UBXN6: variants seen among roughly 807,000 people sequenced by gnomAD.
UBXN6 encodes the protein UBX domain protein 6.
Under a neutral mutation model 51.4 loss-of-function variants are expected in UBXN6, and 44 were observed. The observed-to-expected ratio is 0.86, with a 90% confidence interval of 0.67 to 1.10. The LOEUF (loss-of-function observed/expected upper bound fraction) is 1.10. UBXN6 is among the 50% of genes least tolerant of loss of function. The pLI is 0.00. For synonymous variants in UBXN6, 316 were observed against 263.2 expected (o/e 1.20, Z -1.94); for missense variants, 672 against 596.1 (o/e 1.13, Z -1.32).
intron 7 of UBXN6, 52 bp from the exon 8 acceptor site, chr19:4,446,771 C>T: frequency 6.2e-7 from 1 of 1,612,240 alleles, no homozygotes; most frequent in Non-Finnish European, 8.5e-7. Context: ...GACCCCCAAG[C>T]CGGGCCCTCC....
In UBXN6 at chr19:4,454,071, GC is replaced by G. The variant is rs763240896; in HGVS notation, c.105del (p.Lys35AsnfsTer26). ...ESVGEKAHKE[K>X]PNQPAPRPPR... Reference sequence around the variant, plus strand: ...GGCGGCCTGGGGGCTGGCTGGTTGGGCTTCTCTTTGTGGGCCTTTTCCCTGG... The same window carrying G: ...GGCGGCCTGGGGGCTGGCTGGTTGGGTTCTCTTTGTGGGCCTTTTCCCTGG... On this transcript the variant is annotated frameshift_variant, in exon 2 of 11. Coordinates refer to ENST00000301281, the MANE Select transcript of UBXN6 (RefSeq NM_025241.3). LOFTEE classifies it high-confidence loss of function. 6.4e-7 allele frequency: 1 copy of G among 1,568,290 alleles called. No individual in the cohort carries two copies. Among genetic ancestry groups the G allele is most frequent in the Admixed American group, 1.9e-5 (1 of 52,752 alleles).
At chr19:4,449,594 A>G (rs990712452) in intron 4 of UBXN6, 1 of 152,310 alleles carries the variant, frequency 6.6e-6, no homozygotes, top group African/African-American at 2.4e-5. Context: ...ACACCAGCCA[A>G]GGGAAGCGTG....
Position 4,446,506 on chromosome 19 carries a change from C to T in UBXN6, c.914G>A (p.Arg305Lys). ...CCGCGGACGTCAGGCCCACCTGAGC[C>T]TCTGCTCCCGCTTGATCTCCTCTGC... Reference protein sequence around the residue: ...LTAEEIKREQRLRSEAVERLS... With the variant: ...LTAEEIKREQKLRSEAVERLS... The change falls in exon 8 of 11, where the codon AGG becomes AAG. Residue 305 changes from arginine (R) to lysine (K), a missense_variant. Physicochemically the swap from Arg to Lys is conservative, Grantham distance 26 (BLOSUM62 2). Transcript: ENST00000301281. 2 of 1,608,204 alleles carry T rather than the reference C, an allele frequency of 1.2e-6. No individual in the cohort carries two copies. Among genetic ancestry groups the T allele is most frequent in the East Asian group, 4.5e-5 (2 of 44,796 alleles).
chr19:4,447,577 C>A lies in UBXN6; in HGVS notation c.588G>T (p.Lys196Asn). Reference protein sequence around the residue: ...HLHPEEEKYRKIKLQNKVFQE... With the variant: ...HLHPEEEKYRNIKLQNKVFQE... ...GAAACACCTTGTTCTGCAGCTTGATCTTCCGGTACTTCTCCTCCTCGGGGT... is the reference window on the plus strand; with the variant it reads ...GAAACACCTTGTTCTGCAGCTTGATATTCCGGTACTTCTCCTCCTCGGGGT... Residue 196 changes from lysine (K) to asparagine (N), a missense_variant, in exon 6 of 11, where the codon AAG becomes AAT. Transcript: ENST00000301281. 6 of 1,613,868 alleles carry A rather than the reference C, an allele frequency of 3.7e-6. No individual in the cohort carries two copies. Among genetic ancestry groups the A allele is most frequent in the Non-Finnish European group, 5.1e-6 (6 of 1,179,880 alleles).
At chr19:4,448,286 G>T (rs766246007) in intron 5 of UBXN6, 32 bp downstream of exon 5, 1 of 1,561,880 alleles carries the variant, frequency 6.4e-7, no homozygotes, top group African/African-American at 1.4e-5. Flanking sequence ...GAGCTGGAGG[G>T]GCCAGGCAGG....
intron 10 of UBXN6, 176 bp downstream of exon 10, chr19:4,445,873 T>C (rs569214812): frequency 4.4e-6 from 5 of 1,141,690 alleles, no homozygotes; most frequent in East Asian, 2.6e-5. Context: ...GGAGTAGTTA[T>C]GAACTTGCTC....
At chr19:4,452,907 C>A (rs971953733) in intron 3 of UBXN6, among the ~76,000 whole-genome samples, 1 of 152,212 alleles carries the variant, frequency 6.6e-6, no homozygotes. Context: ...AAGGTCCCTG[C>A]GTGCTAAAAT....
intron 3 of UBXN6, among the ~76,000 whole-genome samples, chr19:4,452,991 A>G (rs1974680108): frequency 6.6e-6 from 1 of 152,202 alleles, no homozygotes; most frequent in East Asian, 1.9e-4. Context: ...TCCTAGAGGA[A>G]GGCCTCCCTG....
chr19:4,452,542 G>T, intron 3 of UBXN6, 50 bp from the exon 4 acceptor site: 1 of 1,569,176 alleles, frequency 6.4e-7, no homozygotes, highest in South Asian at 1.2e-5. Context: ...AGGCCACCCC[G>T]ACCCTCGCCG....
Position 4,445,446 on chromosome 19 carries a change from CAG to C in UBXN6, c.*50_*51del. 6.2e-7 allele frequency: 1 copy of C among 1,609,548 alleles called. No homozygotes were observed. The highest frequency in any genetic ancestry group is 8.5e-7 in the Non-Finnish European group (1 of 1,177,422). On this transcript the variant is annotated 3_prime_UTR_variant, in exon 11 of 11. Coordinates refer to ENST00000301281, the MANE Select transcript of UBXN6 (RefSeq NM_025241.3). ...GGCCCTGGGGTGGCGGGGAGAGGAACAGGGAGAGCATGAGACAGACCCACAGG... is the reference window on the plus strand; with the variant it reads ...GGCCCTGGGGTGGCGGGGAGAGGAACGGAGAGCATGAGACAGACCCACAGG...
chr19:4,455,137 G>T, intron 1 of UBXN6: 5 of 903,378 alleles, frequency 5.5e-6, no homozygotes, highest in Non-Finnish European at 6.6e-6. Flanking sequence ...TGGCAGAGAA[G>T]CCTCGCAGAG....
intron 1 of UBXN6, among the ~76,000 whole-genome samples, chr19:4,454,636 C>T (rs752843116): frequency 7.2e-5 from 11 of 152,118 alleles, no homozygotes; most frequent in Non-Finnish European, 1.3e-4. Flanking sequence ...AGGCTGGTCT[C>T]GAACTTTTGC....
At position 4,446,037 on chromosome 19, in the gene UBXN6, GC is replaced by G; in HGVS notation, c.1200+11del. The G allele has an allele frequency of 6.2e-7, 1 of 1,604,790 alleles. No homozygotes were observed. Among genetic ancestry groups the G allele is most frequent in the Non-Finnish European group, 8.5e-7 (1 of 1,175,544 alleles). ...CATCGGGTCAGCGGTGCTCCTGCGGGCCGACACTCACCAGCCCGCACTCGTT... is the reference window on the plus strand; with the variant it reads ...CATCGGGTCAGCGGTGCTCCTGCGGGCGACACTCACCAGCCCGCACTCGTT... On this transcript the variant is annotated intron_variant, in intron 10 of 10. Transcript: ENST00000301281.
chr19:4,446,637 C>T lies in UBXN6; in HGVS notation c.783G>A (p.Leu261=), dbSNP rs1974533100. The T allele has an allele frequency of 1.2e-6, 2 of 1,612,516 alleles. No homozygotes were observed. Among genetic ancestry groups the T allele is most frequent in the African/African-American group, 2.7e-5 (2 of 74,942 alleles). ...GCTTGGCGCGCACGGGCTCCGCAGC[C>T]AGCAGCTGTTCCTTGTGCCTCTCCA... ...QSLERHKEQL[L]AAEPVRAKLD... Residue 261 remains leucine, a synonymous_variant, in exon 8 of 11, where the codon CTG becomes CTA. Transcript: ENST00000301281.
At chr19:4,457,811 A>T (rs1017068631), upstream of UBXN6, 131 of 596,222 alleles carry the variant, frequency 2.2e-4, 9 homozygotes, top group Non-Finnish European at 2.6e-4. Context: ...AAAAAAAAAA[A>T]AAAAAAAAAA....
At chr19:4,448,639 T>TC (rs1353376993) in intron 4 of UBXN6, 4 of 572,608 alleles carry the variant, frequency 7.0e-6, no homozygotes, top group African/African-American at 5.6e-5. Flanking sequence ...AACTCAAGTC[T>TC]CCCCTTCCGC....
chr19:4,447,055 T>C, intron 6 of UBXN6, 135 bp from the exon 7 acceptor site: 1 of 808,662 alleles, frequency 1.2e-6, no homozygotes. Flanking sequence ...GCCCTGGGGG[T>C]GCCTCAGTGC....
chr19:4,453,541 AAG>A lies in UBXN6; in HGVS notation c.248-21_248-20del, dbSNP rs770061432. 5.0e-6 allele frequency: 8 copies of A among 1,612,614 alleles called. No homozygotes were observed. Among genetic ancestry groups the A allele is most frequent in the East Asian group, 4.5e-5 (2 of 44,858 alleles). On this transcript the variant is annotated intron_variant, in intron 2 of 10. Transcript: ENST00000301281. ...TTTCTCACTGGAAGGCAGCCCAAGAAAGAGAGGCAGAGACGGGATAGTGAGCA... is the reference window on the plus strand; with the variant it reads ...TTTCTCACTGGAAGGCAGCCCAAGAAAGAGGCAGAGACGGGATAGTGAGCA...
At chr19:4,452,089 T>C (rs1974662336) in intron 4 of UBXN6, among the ~76,000 whole-genome samples, 1 of 149,244 alleles carries the variant, frequency 6.7e-6, no homozygotes, top group Admixed American at 6.7e-5. Context: ...GCGGAGGTTG[T>C]AGTGAGCCGA....
Sources: gnomAD v4.1 joint callset for allele counts (sites outside exome capture counted in the v4.1 genomes callset) on GRCh38, gnomAD v4.1.1 for gene constraint, MANE v1.5 for transcripts, NCBI Gene and HGNC (gene_info 2026-07-23, HGNC 2026-07-21) for gene names.